The following GPR149 variants were observed in gnomAD, a reference collection of about 807,000 sequenced individuals.
The protein encoded by GPR149 is probable G protein-coupled receptor 149.
Under a neutral mutation model 50.2 loss-of-function variants are expected in GPR149, and 50 were observed. The observed-to-expected ratio is 1.00, with a 90% CI of 0.79 to 1.26. GPR149 has a LOEUF of 1.26. GPR149 is among the 50% of genes most tolerant of loss of function. The pLI is 0.00. For synonymous variants in GPR149, 405 were observed against 358.2 expected, an observed-to-expected ratio of 1.13 and a Z score of -1.48; for missense variants, 983 against 895.4, an observed-to-expected ratio of 1.10 and a Z score of -1.25.
At chr3:154,377,348 A>AATTATTATTATTATT (rs59932456) in intron 3 of GPR149, among the ~76,000 whole-genome samples, 68 of 139,244 alleles carry the variant, frequency 4.9e-4, no homozygotes, top group South Asian at 1.2e-3. Context: ...TCTGCTCTGT[A>AATTATTATTATTATT]ATTATTATTA....
chr3:154,421,295 A>T lies in GPR149; in HGVS notation c.1367T>A (p.Ile456Asn). The change falls in exon 3 of 4, where the codon ATC (isoleucine) becomes AAC (asparagine). Residue 456 changes from isoleucine (I) to asparagine (N), a missense_variant. Transcript: ENST00000389740. Reference sequence around the variant, plus strand: ...GCTGTCCAGAGAGGGCGTGGTGCTGATTTCTACTTTTATAGCATTGAAGAT... The same window carrying T: ...GCTGTCCAGAGAGGGCGTGGTGCTGTTTTCTACTTTTATAGCATTGAAGAT... ...RNIFNAIKVEISTTPSLDSST... is the reference protein window; with the variant it reads ...RNIFNAIKVENSTTPSLDSST... The T allele has an allele frequency of 1.2e-6, 2 of 1,613,206 alleles. No homozygotes were observed. The highest frequency in any genetic ancestry group is 1.7e-6 in the Non-Finnish European group (2 of 1,179,508).
intron 3 of GPR149, among the ~76,000 whole-genome samples, chr3:154,380,498 T>C (rs1228134295): frequency 6.6e-6 from 1 of 152,156 alleles, no homozygotes; most frequent in South Asian, 2.1e-4. Flanking sequence ...CGGAACTGCC[T>C]CTACACTATT....
chr3:154,427,679 C>T lies in GPR149; in HGVS notation c.1011G>A (p.Gly337=), dbSNP rs771037575. 1 of 1,613,510 alleles carries T rather than the reference C, an allele frequency of 6.2e-7. No individual in the cohort carries two copies. The highest frequency in any genetic ancestry group is 8.5e-7 in the Non-Finnish European group (1 of 1,179,654). ...MMHMVVQNVV[G]FQSLPLETFS... The stretch of plus-strand genomic sequence containing the variant: ...ATGTCTCCAAGGGAAGGCTCTGAAA[C>T]CCCACGACGTTCTGGACCACCATGT... Residue 337 remains glycine, a synonymous_variant, in exon 2 of 4, where the codon GGG becomes GGA. Coordinates refer to ENST00000389740, the MANE Select transcript of GPR149 (RefSeq NM_001038705.3).
intron 3 of GPR149, among the ~76,000 whole-genome samples, chr3:154,376,529 A>T (rs1714795663): frequency 6.6e-6 from 1 of 152,244 alleles, no homozygotes; most frequent in Admixed American, 6.5e-5. Flanking sequence ...ATGTATATGT[A>T]TTCATATAGT....
intron 3 of GPR149, among the ~76,000 whole-genome samples, chr3:154,364,073 G>A (rs1033619027): frequency 6.6e-5 from 10 of 152,176 alleles, no homozygotes; most frequent in East Asian, 3.9e-4. Context: ...GAGAAGAAGC[G>A]AAGCTGCTGG....
intron 3 of GPR149, among the ~76,000 whole-genome samples, chr3:154,381,712 A>AC (rs1374035377): frequency 4.6e-5 from 7 of 152,172 alleles, no homozygotes. Context: ...TACTCTAACA[A>AC]CTTATGTAGG....
At chr3:154,354,475 T>A (rs1386690949) in intron 3 of GPR149, among the ~76,000 whole-genome samples, 2 of 152,210 alleles carry the variant, frequency 1.3e-5, no homozygotes, top group African/African-American at 4.8e-5. Flanking sequence ...CTGATTTCTT[T>A]TTTGCAGGTC....
chr3:154,391,026 G>A (rs1715158042), intron 3 of GPR149, among the ~76,000 whole-genome samples: 1 of 152,056 alleles, frequency 6.6e-6, no homozygotes, highest in Admixed American at 6.6e-5. Context: ...ATCTGAGGGA[G>A]TTCATCATTA....
intron 3 of GPR149, among the ~76,000 whole-genome samples, chr3:154,382,043 T>G (rs1446750243): frequency 6.6e-6 from 1 of 152,192 alleles, no homozygotes; most frequent in Non-Finnish European, 1.5e-5. Flanking sequence ...GAAGATTTTT[T>G]TCTACATAGT....
In GPR149 at chr3:154,365,967, C is replaced by T. The variant is rs140866350; in HGVS notation, c.1624-27696G>A. Among the ~76,000 whole-genome samples, 13 of 152,292 alleles carry T rather than the reference C, an allele frequency of 8.5e-5. No homozygotes were observed. In the East Asian group the frequency reaches 1.7e-3, roughly 20 times the overall value. ...ACAGCAATCTAGGCTTTTTCTAGCA[C>T]GCACTTTAAAACTGGTCAAGCCTCT... On this transcript the variant is annotated intron_variant, in intron 3 of 3. Coordinates refer to ENST00000389740, the MANE Select transcript of GPR149 (RefSeq NM_001038705.3).
At chr3:154,419,592 T>C (rs1379762663) in intron 3 of GPR149, among the ~76,000 whole-genome samples, 1 of 151,948 alleles carries the variant, frequency 6.6e-6, no homozygotes, top group Non-Finnish European at 1.5e-5. Flanking sequence ...GATAGAAGAA[T>C]ACAACAAAAA....
chr3:154,410,514 G>C (rs1161511463), intron 3 of GPR149, among the ~76,000 whole-genome samples: 1 of 151,718 alleles, frequency 6.6e-6, no homozygotes, highest in Non-Finnish European at 1.5e-5. Context: ...GATTCACATG[G>C]ACACCAAAAG....
At chr3:154,353,432 A>G in intron 3 of GPR149, 1 of 1,024,838 alleles carries the variant, frequency 9.8e-7, no homozygotes, top group Non-Finnish European at 1.5e-6. Context: ...CAACTTGTTC[A>G]TTAAAATCTA....
intron 3 of GPR149, among the ~76,000 whole-genome samples, chr3:154,410,605 T>C (rs138745828): frequency 7.2e-4 from 109 of 152,272 alleles, no homozygotes; most frequent in African/African-American, 2.4e-3. Flanking sequence ...AGGGACATTA[T>C]ACAATGATAA....
intron 3 of GPR149, among the ~76,000 whole-genome samples, chr3:154,374,171 T>TTTC (rs1553764335): frequency 2.4e-4 from 34 of 141,806 alleles, no homozygotes; most frequent in Admixed American, 5.6e-4. Flanking sequence ...TTTCTTTTCT[T>TTTC]TTTTTTTTTT....
Position 154,428,985 on chromosome 3 carries a change from G to C in GPR149, c.631C>G (p.Pro211Ala), listed in dbSNP as rs774089990. The C allele has an allele frequency of 8.1e-6, 13 of 1,614,090 alleles. No homozygotes were observed. The highest frequency in any genetic ancestry group is 1.1e-5 in the Non-Finnish European group (13 of 1,180,008). ...AFGLLVGLSVPLTHRLLCSEE... is the reference protein window; with the variant it reads ...AFGLLVGLSVALTHRLLCSEE... ...GAACACAGCAATCGGTGAGTGAGTG[G>C]GACTGAGAGGCCCACGAGGAGTCCG... Residue 211 changes from proline (P) to alanine (A), a missense_variant, in exon 1 of 4, where the codon CCA becomes GCA. Pro to Ala is a conservative substitution (Grantham distance 27). Coordinates refer to ENST00000389740, the MANE Select transcript of GPR149 (RefSeq NM_001038705.3).
At chr3:154,347,430 C>T (rs1415104383) in intron 3 of GPR149, among the ~76,000 whole-genome samples, 1 of 152,144 alleles carries the variant, frequency 6.6e-6, no homozygotes, top group African/African-American at 2.4e-5. Context: ...AGAATCCACT[C>T]ACTATGATGA....
At chr3:154,339,813 G>A (rs1170165953) in intron 3 of GPR149, among the ~76,000 whole-genome samples, 15 of 101,324 alleles carry the variant, frequency 1.5e-4, no homozygotes, top group African/African-American at 2.4e-4. Context: ...TTTTTGAGAC[G>A]AAGTCTCCCT....
rs561377173 is a variant in GPR149 at position 154,428,746 on chromosome 3, A to T, written c.870T>A (p.Arg290=). Residue 290 remains arginine (R), a synonymous_variant, in exon 1 of 4, where the codon CGT becomes CGA. Coordinates refer to ENST00000389740, the MANE Select transcript of GPR149 (RefSeq NM_001038705.3). ...TGCCATAGAGAGTCCCCCGGTTCTC[A>T]CGCCTGCAGGCTTCAGCCCCAGCGG... ...PAAAGAEACR[R]ENRGTLYGTR... 16 of 1,614,054 alleles carry T rather than the reference A, an allele frequency of 9.9e-6. No individual in the cohort carries two copies. In the African/African-American group the frequency reaches 2.1e-4, roughly 22 times the overall value.
Sources: gnomAD v4.1 joint callset for allele counts (sites outside exome capture counted in the v4.1 genomes callset) on GRCh38, gnomAD v4.1.1 for gene constraint, MANE v1.5 for transcripts, NCBI Gene and HGNC (gene_info 2026-07-23, HGNC 2026-07-21) for gene names.